MTFR1: variants seen among roughly 807,000 people sequenced by gnomAD.
MTFR1 encodes mitochondrial fission regulator 1, also known as chondrocyte protein with a poly-proline region.
Under a neutral mutation model 38.8 loss-of-function variants are expected in MTFR1, and 28 were observed. The ratio of observed to expected loss-of-function variants is 0.72; its 90% CI spans 0.53 to 0.99. The LOEUF (loss-of-function observed/expected upper bound fraction) is 0.99. MTFR1 is among the 50% of genes least tolerant of loss of function. The pLI is 0.00. For missense variants in MTFR1, 358 were observed against 395.5 expected (o/e 0.91, Z 0.81); for synonymous variants, 145 against 137.0 (o/e 1.06, Z -0.41).
chr8:65,756,921 T>C (rs79037298), intron 3 of MTFR1, among the ~76,000 whole-genome samples: 2,119 of 152,138 alleles, frequency 0.014, 68 homozygotes, highest in African/African-American at 0.049. Context: ...TGCTGGCTTA[T>C]GATAAAGGGT....
chr8:65,691,620 TTC>T (rs1805279979), intron 3 of MTFR1, among the ~76,000 whole-genome samples: 1 of 152,114 alleles, frequency 6.6e-6, no homozygotes, highest in Non-Finnish European at 1.5e-5. Flanking sequence ...ATACTCGATG[TTC>T]TTAGTACTTT....
chr8:65,667,778 T>C (rs1413300017), intron 1 of MTFR1, among the ~76,000 whole-genome samples: 2 of 152,206 alleles, frequency 1.3e-5, no homozygotes, highest in African/African-American at 4.8e-5. Context: ...AGTCAAACTC[T>C]TCTACCTAGG....
rs1807052117 is a variant in MTFR1, at chr8:65,734,753, TTTC to T, written c.*48+15275_*48+15277del. ...TATGTGAAAGTAAATCAAAAGGAAT[TTTC>T]TTATGATTTTCACCTGAAATCAATG... is the stretch of plus-strand genomic sequence containing the variant. On this transcript the variant is annotated intron_variant, in intron 3 of 3. Transcript: ENST00000521247. 3.5e-6 allele frequency: 4 copies of T among 1,133,668 alleles called. No individual in the cohort carries two copies. In the Admixed American group the frequency reaches 7.1e-5, roughly 20 times the overall value. 70.2% of individuals were successfully genotyped at this position (1,133,668 alleles called of 1,614,324 possible).
At chr8:65,658,384 C>T (rs1314520943) in intron 1 of MTFR1, among the ~76,000 whole-genome samples, 2 of 152,182 alleles carry the variant, frequency 1.3e-5, no homozygotes, top group East Asian at 1.9e-4. Context: ...TTCAATTTGA[C>T]TGCTATAAAT....
chr8:65,694,355 G>T (rs190860873), intron 4 of MTFR1, among the ~76,000 whole-genome samples: 310 of 152,126 alleles, frequency 2.0e-3, no homozygotes, highest in Middle Eastern at 6.8e-3. Context: ...GATTACAGAC[G>T]TGAGCCACCA....
chr8:65,726,433 T>G (rs1181552408), intron 3 of MTFR1, among the ~76,000 whole-genome samples: 1 of 152,206 alleles, frequency 6.6e-6, no homozygotes, highest in Non-Finnish European at 1.5e-5. Context: ...TAAGGCACTC[T>G]CTTTACTTTC....
At chr8:65,706,523 G>A (rs1301710875) in intron 5 of MTFR1, among the ~76,000 whole-genome samples, 2 of 152,256 alleles carry the variant, frequency 1.3e-5, no homozygotes, top group Admixed American at 6.5e-5. Context: ...CTAAAGTGCT[G>A]GGATTACAGG....
downstream of MTFR1, among the ~76,000 whole-genome samples, chr8:65,775,759 C>G (rs538143314): frequency 1.1e-4 from 16 of 152,300 alleles, no homozygotes; most frequent in South Asian, 3.3e-3. Flanking sequence ...TCCTGAGTGG[C>G]TGGGATTACA....
intron 3 of MTFR1, among the ~76,000 whole-genome samples, chr8:65,687,286 T>C (rs1805115604): frequency 1.3e-5 from 2 of 152,158 alleles, no homozygotes; most frequent in Non-Finnish European, 2.9e-5. Context: ...CCAATTCAGT[T>C]GAACCACTGC....
chr8:65,688,921 G>A (rs1030748812), intron 3 of MTFR1, among the ~76,000 whole-genome samples: 1 of 151,904 alleles, frequency 6.6e-6, no homozygotes, highest in Non-Finnish European at 1.5e-5. Flanking sequence ...GAGGCGGGTG[G>A]ATCACTTGAG....
chr8:65,739,411 C>G, intron 3 of MTFR1: 1 of 1,364,080 alleles, frequency 7.3e-7, no homozygotes, highest in East Asian at 2.9e-5. Flanking sequence ...TGTTATAGAG[C>G]AATAGCTAAC....
chr8:65,750,930 C>G (rs189934137), intron 3 of MTFR1, among the ~76,000 whole-genome samples: 1 of 152,320 alleles, frequency 6.6e-6, no homozygotes, highest in Admixed American at 6.5e-5. Flanking sequence ...AATGATCACT[C>G]ATCATGGAAG....
intron 3 of MTFR1, chr8:65,734,962 T>A: frequency 1.0e-6 from 1 of 969,858 alleles, no homozygotes; most frequent in East Asian, 2.4e-5. Context: ...AAAATTGTGA[T>A]AATTATGAGT....
chr8:65,731,440 T>A (rs924634584), intron 3 of MTFR1: 3 of 152,324 alleles, frequency 2.0e-5, no homozygotes, highest in Admixed American at 1.3e-4. Context: ...AGACTTAGTT[T>A]AAGTATAGTT....
intron 1 of MTFR1, among the ~76,000 whole-genome samples, chr8:65,651,304 A>T (rs201574638): frequency 1.0e-5 from 1 of 99,412 alleles, no homozygotes; most frequent in South Asian, 2.7e-4. Flanking sequence ...ACTTGATGTG[A>T]TCTCATTTGT....
chr8:65,753,768 A>C (rs1190281342), intron 3 of MTFR1, among the ~76,000 whole-genome samples: 1 of 152,092 alleles, frequency 6.6e-6, no homozygotes, highest in African/African-American at 2.4e-5. Context: ...AATTCTGTCA[A>C]ATTTTGCTTC....
intron 3 of MTFR1, among the ~76,000 whole-genome samples, chr8:65,737,639 C>T (rs537668873): frequency 2.1e-4 from 32 of 152,280 alleles, no homozygotes; most frequent in African/African-American, 7.2e-4. Context: ...CTGCCTCAGC[C>T]TCCCGAGTAG....
At chr8:65,723,194 A>AT (rs1346478019) in intron 3 of MTFR1, 1 of 156,648 alleles carries the variant, frequency 6.4e-6, no homozygotes, top group East Asian at 1.8e-4. Context: ...TTTTTATTTT[A>AT]TTTATTTTAT....
At chr8:65,743,469 G>A (rs1241867336) in intron 3 of MTFR1, among the ~76,000 whole-genome samples, 1 of 152,166 alleles carries the variant, frequency 6.6e-6, no homozygotes, top group Non-Finnish European at 1.5e-5. Flanking sequence ...AGGCAGGAGG[G>A]TGGCTCTGCT....
Sources: gnomAD v4.1 joint callset for allele counts (sites outside exome capture counted in the v4.1 genomes callset) on GRCh38, gnomAD v4.1.1 for gene constraint, MANE v1.5 for transcripts, NCBI Gene and HGNC (gene_info 2026-07-23, HGNC 2026-07-21) for gene names.